Variants in IL15RA observed in about 807,000 individuals in gnomAD.
IL15RA encodes interleukin 15 receptor subunit alpha.
Under a neutral mutation model 24.2 loss-of-function variants are expected in IL15RA, and 26 were observed. That is an observed-to-expected ratio of 1.07 (90% CI 0.79 to 1.49). IL15RA has a LOEUF of 1.49. Ranked by LOEUF, IL15RA falls within the 40% of genes most tolerant of loss-of-function variation. The pLI is 0.00. For missense variants in IL15RA, 354 were observed against 356.4 expected (o/e 0.99, Z 0.05); for synonymous variants, 166 against 157.6 (o/e 1.05, Z -0.40).
At position 5,953,529 on chromosome 10, in the gene IL15RA, T is replaced by G. The variant is rs8177741; in HGVS notation, c.693-323A>C. The stretch of plus-strand genomic sequence containing the variant: ...ACCAACCAGGACAATATGATGAGAA[T>G]AAATCCTCTCCAGGTATTTCCAACC... On this transcript the variant is annotated intron_variant, in intron 6 of 6. Coordinates refer to ENST00000379977, the MANE Select transcript of IL15RA (RefSeq NM_002189.4). This position sits in a 1 kb window ranked among gnomAD's most constrained non-coding sequence, Gnocchi z 5.3. Among the ~76,000 whole-genome samples, 9,895 of 152,114 alleles carry G rather than the reference T, an allele frequency of 0.065. 563 individuals carry two copies. The highest frequency in any genetic ancestry group is 0.16 in the African/African-American group (6,431 of 41,476).
rs753113738 is a variant in IL15RA, at chr10:5,973,147, A to G, written c.88+4258T>C. On this transcript the variant is annotated intron_variant, in intron 1 of 6. Transcript: ENST00000379977. The surrounding 1 kb of genome is among the most constrained non-coding windows in gnomAD (Gnocchi z 4.5). ...AGAAGTCAGTGACCTTCTACCCAAC[A>G]TAATGGACGCCCCTGCACATCAGGC... Among the ~76,000 whole-genome samples the G allele has an allele frequency of 6.6e-6, 1 of 152,242 alleles. No individual in the cohort carries two copies. Among genetic ancestry groups the G allele is most frequent in the Non-Finnish European group, 1.5e-5 (1 of 68,046 alleles).
chr10:5,972,916 G>A (rs1004127256), intron 1 of IL15RA, among the ~76,000 whole-genome samples: 2 of 151,938 alleles, frequency 1.3e-5, no homozygotes, highest in African/African-American at 4.8e-5. Flanking sequence ...AAAAGGTTTG[G>A]GAAAAGACCC....
Position 5,968,663 on chromosome 10 carries a change from A to C in IL15RA, c.89-2324T>G. The C allele has an allele frequency of 1.5e-6, 1 of 646,460 alleles. No homozygotes were observed. Among genetic ancestry groups the C allele is most frequent in the Non-Finnish European group, 2.8e-6 (1 of 355,860 alleles). 40.0% of individuals were successfully genotyped at this position (646,460 alleles called of 1,614,324 possible). A position where few individuals can be genotyped will look rare whatever the true frequency, so the allele number is the denominator to read the frequency against. On this transcript the variant is annotated intron_variant, in intron 1 of 6. Transcript: ENST00000379977. The surrounding 1 kb of genome is among the most constrained non-coding windows in gnomAD (Gnocchi z 5.4). ...CTGGAGTGTCAGAGGCTTTTTCTCC[A>C]TGTTCTGCTCCACACTGATCTTCTG...
intron 5 of IL15RA, 85 bp from the exon 6 acceptor site, chr10:5,956,539 A>G: frequency 1.9e-6 from 2 of 1,031,376 alleles, no homozygotes; most frequent in Non-Finnish European, 3.0e-6. Context: ...ATGTTCTTAC[A>G]GAGGGATCCA....
Position 5,960,276 on chromosome 10 carries a change from TG to T in IL15RA, c.583+90del. 1 of 1,170,742 alleles carries T rather than the reference TG, an allele frequency of 8.5e-7. No individual in the cohort carries two copies. The highest frequency in any genetic ancestry group is 1.3e-6 in the Non-Finnish European group (1 of 788,402). 72.5% of individuals were successfully genotyped at this position (1,170,742 alleles called of 1,614,324 possible). On this transcript the variant is annotated intron_variant, in intron 4 of 6. Transcript: ENST00000379977. This position sits in a 1 kb window ranked among gnomAD's most constrained non-coding sequence, Gnocchi z 5.1. ...CCAGTGAATCCTGACTTTGGATTGA[TG>T]GTATAAAGCTGCCTTGTGCCGGATC... is the stretch of plus-strand genomic sequence containing the variant.
chr10:5,976,245 G>A (rs960293233), intron 1 of IL15RA, among the ~76,000 whole-genome samples: 1 of 135,756 alleles, frequency 7.4e-6, no homozygotes, highest in Non-Finnish European at 1.6e-5. Context: ...TCATGAAAAC[G>A]AAACTTCAAG....
intron 1 of IL15RA, among the ~76,000 whole-genome samples, chr10:5,972,689 A>T (rs1481821502): frequency 6.6e-6 from 1 of 152,224 alleles, no homozygotes; most frequent in Non-Finnish European, 1.5e-5. Context: ...TTCAATGACA[A>T]CTACTTCTTG....
At chr10:5,976,712 C>A (rs1838504966) in intron 1 of IL15RA, among the ~76,000 whole-genome samples, 1 of 152,170 alleles carries the variant, frequency 6.6e-6, no homozygotes, top group African/African-American at 2.4e-5. Flanking sequence ...CCGCGACCCG[C>A]TTTCTTCTCG....
Position 5,959,005 on chromosome 10 carries a change from A to G in IL15RA, c.616+749T>C, listed in dbSNP as rs1242421285. ...CTCTCAGCTCTCCTCCCCTCCCTTC[A>G]GCTTTTTCTTTTAGTCTTGTAAACG... is the stretch of plus-strand genomic sequence containing the variant. On this transcript the variant is annotated intron_variant, in intron 5 of 6. Coordinates refer to ENST00000379977, the MANE Select transcript of IL15RA (RefSeq NM_002189.4). The surrounding 1 kb of genome is among the most constrained non-coding windows in gnomAD (Gnocchi z 4.1). Among the ~76,000 whole-genome samples the G allele has an allele frequency of 6.6e-6, 1 of 150,822 alleles. No individual in the cohort carries two copies. Among genetic ancestry groups the G allele is most frequent in the Admixed American group, 6.6e-5 (1 of 15,112 alleles).
rs41294191 is a variant in IL15RA, at chr10:5,970,159, C to T, written c.89-3820G>A. On this transcript the variant is annotated intron_variant, in intron 1 of 6. Transcript: ENST00000379977. This position sits in a 1 kb window ranked among gnomAD's most constrained non-coding sequence, Gnocchi z 4.1. ...CTCCTTTGTTGGTTATTAACTATAA[C>T]TCGTTGTACTAGTTTAGTGGTTGTT... is the stretch of plus-strand genomic sequence containing the variant. 7.0e-3 allele frequency among the ~76,000 whole-genome samples: 1,063 copies of T among 152,228 alleles called. 7 individuals are homozygous for T. The highest frequency in any genetic ancestry group is 0.012 in the Non-Finnish European group (828 of 68,022).
At chr10:5,951,141 C>CAAAAAAAAAAA (rs60771366), downstream of IL15RA, among the ~76,000 whole-genome samples, 108 of 35,948 alleles carry the variant, frequency 3.0e-3, 7 homozygotes, top group African/African-American at 0.012. Context: ...GACTCAGTCT[C>CAAAAAAAAAAA]AAAAAAAAAA....
chr10:5,949,265 C>T (rs768512320), downstream of IL15RA: 6 of 471,014 alleles, frequency 1.3e-5, no homozygotes, highest in East Asian at 6.9e-5. The surrounding 1 kb of genome is among the most constrained non-coding windows in gnomAD (Gnocchi z 4.4). Flanking sequence ...GAGGGACGGA[C>T]GGTTTCAGGA....
rs1348220249 is a variant in IL15RA, at chr10:5,960,523, T to C, written c.427A>G (p.Thr143Ala). 1.2e-6 allele frequency: 2 copies of C among 1,614,062 alleles called. No individual in the cohort carries two copies. The highest frequency in any genetic ancestry group is 1.7e-5 in the Admixed American group (1 of 60,002). ...TGGGAGCCCGGGACAATAGCTGCTG[T>C]TGTGGCCGCTGTGTTGTTTGAGCTG... ...SPSSNNTAAT[T>A]AAIVPGSQLM... is the part of the protein sequence containing the mutation. Residue 143 changes from threonine to alanine, a missense_variant, in exon 4 of 7, where the codon ACA becomes GCA. Transcript: ENST00000379977. The surrounding 1 kb of genome is among the most constrained non-coding windows in gnomAD (Gnocchi z 5.1).
At position 5,959,175 on chromosome 10, in the gene IL15RA, T is replaced by TC. The variant is rs199775512; in HGVS notation, c.616+578_616+579insG. Among the ~76,000 whole-genome samples the TC allele has an allele frequency of 1.8e-3, 276 of 150,816 alleles. 5 individuals are homozygous for TC. The East Asian group carries it at 0.049, about 27-fold the overall frequency. The stretch of plus-strand genomic sequence containing the variant: ...CTTTTTTTCTTTTTCTTTTTCTTTT[T>TC]TTTTTTTTTTAATAGAGATGGGGTC... On this transcript the variant is annotated intron_variant, in intron 5 of 6. Transcript: ENST00000379977. The surrounding 1 kb of genome is among the most constrained non-coding windows in gnomAD (Gnocchi z 4.1).
At position 5,955,651 on chromosome 10, in the gene IL15RA, A is replaced by G. The variant is rs191995776; in HGVS notation, c.692+728T>C. 1.9e-4 allele frequency among the ~76,000 whole-genome samples: 29 copies of G among 152,342 alleles called. No homozygotes were observed. In the East Asian group the frequency reaches 3.9e-3, roughly 20 times the overall value. ...AAAAAAGTTAGCAAGTGGCAGAAAT[A>G]TTTTTGCCAGAAATGCTGAGATGCA... On this transcript the variant is annotated intron_variant, in intron 6 of 6. Coordinates refer to ENST00000379977, the MANE Select transcript of IL15RA (RefSeq NM_002189.4). The surrounding 1 kb of genome is among the most constrained non-coding windows in gnomAD (Gnocchi z 5.3).
Position 5,955,887 on chromosome 10 carries a change from G to A in IL15RA, c.692+492C>T, listed in dbSNP as rs1488857111. On this transcript the variant is annotated intron_variant, in intron 6 of 6. Transcript: ENST00000379977. The surrounding 1 kb of genome is among the most constrained non-coding windows in gnomAD (Gnocchi z 5.3). ...GCAGGGGTAGGGGGCACTTGGGCTT[G>A]GGCCTAGCTCACTGCTCCTCGGCTC... Among the ~76,000 whole-genome samples, 2 of 152,162 alleles carry A rather than the reference G, an allele frequency of 1.3e-5. No homozygotes were observed. Among genetic ancestry groups the A allele is most frequent in the African/African-American group, 2.4e-5 (1 of 41,450 alleles).
Position 5,966,461 on chromosome 10 carries a change from A to T in IL15RA, c.89-122T>A. 1.4e-6 allele frequency: 1 copy of T among 736,122 alleles called. No individual in the cohort carries two copies. Among genetic ancestry groups the T allele is most frequent in the Non-Finnish European group, 2.2e-6 (1 of 449,162 alleles). The allele number at this position is 736,122 out of a possible 1,614,324, so 45.6% of individuals were successfully genotyped here. A position where few individuals can be genotyped will look rare whatever the true frequency, so the allele number is the denominator to read the frequency against. On this transcript the variant is annotated intron_variant, in intron 1 of 6. Coordinates refer to ENST00000379977, the MANE Select transcript of IL15RA (RefSeq NM_002189.4). The surrounding 1 kb of genome is among the most constrained non-coding windows in gnomAD (Gnocchi z 6.4). Reference sequence around the variant, plus strand: ...CTAGGGGTGCCTCAGGACAAGCCCCAGGTGCCAGGCACGTGGAGGATGTAC... The same window carrying T: ...CTAGGGGTGCCTCAGGACAAGCCCCTGGTGCCAGGCACGTGGAGGATGTAC...
In IL15RA at chr10:5,968,991, G is replaced by T; in HGVS notation, c.89-2652C>A. 6.5e-7 allele frequency: 1 copy of T among 1,533,806 alleles called. No individual in the cohort carries two copies. Among genetic ancestry groups the T allele is most frequent in the Admixed American group, 2.0e-5 (1 of 50,970 alleles). On this transcript the variant is annotated intron_variant, in intron 1 of 6. Transcript: ENST00000379977. This position sits in a 1 kb window ranked among gnomAD's most constrained non-coding sequence, Gnocchi z 5.4. The stretch of plus-strand genomic sequence containing the variant: ...TTTCCAGCAGCCGTGGACCTCCAGG[G>T]CTGTTTGTGTAGGATCCTGAGCAAG...
intron 5 of IL15RA, among the ~76,000 whole-genome samples, chr10:5,956,956 A>ATT (rs1834615519): frequency 7.3e-6 from 1 of 136,866 alleles, no homozygotes; most frequent in African/African-American, 3.0e-5. Context: ...TTTCACTTGC[A>ATT]ATTTTTTTTT....
Sources: gnomAD v4.1 joint callset for allele counts (sites outside exome capture counted in the v4.1 genomes callset) on GRCh38, gnomAD v4.1.1 for gene constraint, Gnocchi (gnomAD v3.1) non-coding constraint, MANE v1.5 for transcripts, NCBI Gene and HGNC (gene_info 2026-07-23, HGNC 2026-07-21) for gene names.